CAMSAP2: variants seen among roughly 807,000 people sequenced by gnomAD.
The protein encoded by CAMSAP2 is calmodulin-regulated spectrin-associated protein 2.
CAMSAP2 carries 26 observed loss-of-function variants against 146.1 expected under a neutral mutation model. That is an observed-to-expected ratio of 0.18 (90% confidence interval 0.13 to 0.25). The LOEUF (loss-of-function observed/expected upper bound fraction) is 0.25. CAMSAP2 is among the 10% of genes least tolerant of loss of function. CAMSAP2 has a pLI of 1.00. For synonymous variants in CAMSAP2, 499 were observed against 596.6 expected (o/e 0.84, Z 2.38); for missense variants, 1,381 against 1,759.3 (o/e 0.78, Z 3.85).
Position 200,844,534 on chromosome 1 carries a change from C to T in CAMSAP2, c.1022-248C>T, listed in dbSNP as rs753346638. ...TTGCACTCCAGCCTGGGTGACAGAG[C>T]GAGACTCCGTCTAAAAAAAAAGAAA... On this transcript the variant is annotated intron_variant, in intron 7 of 16. Coordinates refer to ENST00000358823, the MANE Select transcript of CAMSAP2 (RefSeq NM_203459.4). Among the ~76,000 whole-genome samples, 10 of 151,548 alleles carry T rather than the reference C, an allele frequency of 6.6e-5. 1 individual carries two copies. The South Asian group carries it at 8.3e-4, about 13-fold the overall frequency.
At chr1:200,796,830 C>T (rs577375880) in intron 2 of CAMSAP2, among the ~76,000 whole-genome samples, 16 of 151,772 alleles carry the variant, frequency 1.1e-4, no homozygotes, top group Non-Finnish European at 1.6e-4. Context: ...TCTCCCCCCA[C>T]CCCACAACAG....
At chr1:200,750,395 G>T in intron 1 of CAMSAP2, among the ~76,000 whole-genome samples, 1 of 152,152 alleles carries the variant, frequency 6.6e-6, no homozygotes, top group East Asian at 1.9e-4. Context: ...AAGTTTGGGA[G>T]AAAAGATTGG....
intron 6 of CAMSAP2, among the ~76,000 whole-genome samples, chr1:200,841,429 G>A (rs1667320944): frequency 6.6e-6 from 1 of 152,136 alleles, no homozygotes; most frequent in African/African-American, 2.4e-5. Context: ...TGTATCTTTA[G>A]TAGAGACGGG....
chr1:200,811,361 T>G (rs1666326789), intron 3 of CAMSAP2, among the ~76,000 whole-genome samples: 1 of 152,076 alleles, frequency 6.6e-6, no homozygotes, highest in Non-Finnish European at 1.5e-5. Context: ...ATTTTGGGCC[T>G]CCCCCATTAC....
chr1:200,764,959 C>G (rs1165864098), intron 2 of CAMSAP2, among the ~76,000 whole-genome samples: 1 of 152,104 alleles, frequency 6.6e-6, no homozygotes, highest in East Asian at 1.9e-4. Flanking sequence ...CAGAAATTAG[C>G]TGGGCGTGAT....
chr1:200,827,615 A>G (rs535780633), intron 4 of CAMSAP2, among the ~76,000 whole-genome samples: 1 of 152,230 alleles, frequency 6.6e-6, no homozygotes, highest in African/African-American at 2.4e-5. Context: ...GGAAGCTGGT[A>G]TGTTTCTGAT....
At chr1:200,761,572 C>T (rs550641109) in intron 2 of CAMSAP2, among the ~76,000 whole-genome samples, 7 of 152,152 alleles carry the variant, frequency 4.6e-5, no homozygotes, top group Non-Finnish European at 8.8e-5. Context: ...CCTGTCTCTA[C>T]TAAAAATGCA....
chr1:200,831,326 C>T (rs1667037423), intron 4 of CAMSAP2, among the ~76,000 whole-genome samples: 1 of 152,078 alleles, frequency 6.6e-6, no homozygotes, highest in African/African-American at 2.4e-5. Context: ...CTTAATCTTC[C>T]AGTGGTTCTA....
intron 4 of CAMSAP2, among the ~76,000 whole-genome samples, chr1:200,816,723 CATATATGTGTGTACACACACACGCGTGT>C (rs1558190733): frequency 1.1e-3 from 49 of 45,898 alleles, no homozygotes; most frequent in Admixed American, 2.1e-3. Context: ...TACACACGCA[CATATATGTGTGTACACACACACGCGTGT>C]ATATATGTGT....
At chr1:200,795,967 C>A (rs1406685221) in intron 2 of CAMSAP2, among the ~76,000 whole-genome samples, 1 of 152,036 alleles carries the variant, frequency 6.6e-6, no homozygotes, top group Non-Finnish European at 1.5e-5. Context: ...CCAGGGAGGT[C>A]CAAATAAAAT....
In CAMSAP2 at chr1:200,761,592, G is replaced by A. The variant is rs539307697; in HGVS notation, c.399+494G>A. Among the ~76,000 whole-genome samples, 8 of 152,224 alleles carry A rather than the reference G, an allele frequency of 5.3e-5. No homozygotes were observed. In the South Asian group the frequency reaches 6.2e-4, roughly 12 times the overall value. On this transcript the variant is annotated intron_variant, in intron 2 of 16. Transcript: ENST00000358823. ...CTCTACTAAAAATGCAAAATTAGCC[G>A]GGCATGGTGGTGCATGCCTGTAATC...
chr1:200,793,812 A>AGTCAC, intron 2 of CAMSAP2, among the ~76,000 whole-genome samples: 1 of 152,252 alleles, frequency 6.6e-6, no homozygotes, highest in African/African-American at 2.4e-5. Flanking sequence ...TTAGCACTAC[A>AGTCAC]TTAAGGTTGT....
intron 2 of CAMSAP2, among the ~76,000 whole-genome samples, chr1:200,767,596 A>C (rs967314933): frequency 8.5e-5 from 13 of 152,126 alleles, no homozygotes; most frequent in Non-Finnish European, 4.4e-5. Flanking sequence ...GCTTGTTAAA[A>C]AAAATCCTTT....
chr1:200,810,301 C>T (rs182513669), intron 3 of CAMSAP2, among the ~76,000 whole-genome samples: 199 of 152,196 alleles, frequency 1.3e-3, no homozygotes, highest in African/African-American at 4.3e-3. Flanking sequence ...AGATTTGGGC[C>T]GGGCGTGGTG....
chr1:200,812,802 C>T (rs1222623862), intron 3 of CAMSAP2, among the ~76,000 whole-genome samples: 4 of 152,114 alleles, frequency 2.6e-5, no homozygotes, highest in Admixed American at 1.3e-4. Flanking sequence ...AATATATTAA[C>T]CTTATATTAT....
chr1:200,766,142 CT>C (rs71135394), intron 2 of CAMSAP2, among the ~76,000 whole-genome samples: 4,527 of 140,714 alleles, frequency 0.032, 86 homozygotes, highest in Non-Finnish European at 0.047. Context: ...TCAAGTAGCT[CT>C]TTTTTTTTTT....
chr1:200,792,655 G>A (rs1243831972), intron 2 of CAMSAP2, among the ~76,000 whole-genome samples: 1 of 152,118 alleles, frequency 6.6e-6, no homozygotes, highest in Non-Finnish European at 1.5e-5. Flanking sequence ...TCGGGCAGTA[G>A]GGGTGGGGGA....
rs1667072766 is a variant in CAMSAP2, at chr1:200,832,587, A to G, written c.788-119A>G. ...AGTCTTAATGTATAATGACTACTAT[A>G]TTTATAAATGTATGTTTGTTAACCA... On this transcript the variant is annotated intron_variant, in intron 5 of 16. Coordinates refer to ENST00000358823, the MANE Select transcript of CAMSAP2 (RefSeq NM_203459.4). The surrounding 1 kb of genome is among the most constrained non-coding windows in gnomAD (Gnocchi z 4.2). 1 of 919,150 alleles carries G rather than the reference A, an allele frequency of 1.1e-6. No homozygotes were observed. 56.9% of individuals were successfully genotyped at this position (919,150 alleles called of 1,614,324 possible). A position where few individuals can be genotyped will look rare whatever the true frequency, so the allele number is the denominator to read the frequency against.
In CAMSAP2 at chr1:200,856,092, ACTT is replaced by A. The variant is rs753362986; in HGVS notation, c.3984_3986del (p.Ser1329del). On this transcript the variant is annotated inframe_deletion, in exon 15 of 17. Transcript: ENST00000358823. ...AAAAGACTGGGAGAATGCATCAACA[ACTT>A]CTTCAGTGGCTTCTGGAACAGAATA... The A allele has an allele frequency of 6.2e-7, 1 of 1,613,642 alleles. No homozygotes were observed. The highest frequency in any genetic ancestry group is 1.7e-5 in the Admixed American group (1 of 60,020).
Sources: allele counts gnomAD v4.1 joint callset (sites outside exome capture counted in the v4.1 genomes callset), GRCh38; gene constraint gnomAD v4.1.1; non-coding constraint Gnocchi (gnomAD v3.1); transcripts MANE v1.5; gene names NCBI Gene and HGNC (gene_info 2026-07-23, HGNC 2026-07-21).